MRTFB: variants seen among roughly 807,000 people sequenced by gnomAD.
The protein encoded by MRTFB is myocardin related transcription factor B.
MRTFB carries 29 observed loss-of-function variants against 104.2 expected under a neutral mutation model. The observed-to-expected ratio is 0.28, with a 90% CI of 0.21 to 0.38. The LOEUF (loss-of-function observed/expected upper bound fraction) is 0.38, where lower values mean the gene tolerates loss of function less well. MRTFB is among the 10% of genes least tolerant of loss of function. MRTFB has a pLI of 1.00. For missense variants in MRTFB, 1,270 were observed against 1,341.6 expected (o/e 0.95, Z 0.83); for synonymous variants, 535 against 519.5 (o/e 1.03, Z -0.41).
the MRTFB span, among the ~76,000 whole-genome samples, chr16:14,020,155 C>G: frequency 6.6e-6 from 1 of 152,120 alleles, no homozygotes; most frequent in African/African-American, 2.4e-5. Flanking sequence ...GTCCCATGAC[C>G]TTGCCTTTGC....
intron 3 of MRTFB, among the ~76,000 whole-genome samples, chr16:14,153,943 A>G (rs1410463347): frequency 6.6e-6 from 1 of 152,220 alleles, no homozygotes; most frequent in East Asian, 1.9e-4. Context: ...ACTCTGTTTT[A>G]TATTAATAGC....
At chr16:14,208,912 G>C (rs1597253662) in intron 3 of MRTFB, among the ~76,000 whole-genome samples, 1 of 152,130 alleles carries the variant, frequency 6.6e-6, no homozygotes, top group South Asian at 2.1e-4. Context: ...AATCTTGTCA[G>C]TTGCTTCAGT....
chr16:14,070,713 G>A (rs1469032798), upstream of MRTFB, among the ~76,000 whole-genome samples: 1 of 152,258 alleles, frequency 6.6e-6, no homozygotes, highest in Non-Finnish European at 1.5e-5. Flanking sequence ...CTGCGGCTGA[G>A]AGGCAGCGCC....
intron 2 of MRTFB, among the ~76,000 whole-genome samples, chr16:14,096,913 C>G (rs1381299068): frequency 6.6e-6 from 1 of 152,180 alleles, no homozygotes; most frequent in African/African-American, 2.4e-5. Context: ...AAGTAGTTTT[C>G]TTTATATTTG....
chr16:14,116,669 C>T (rs1017058935), intron 2 of MRTFB, among the ~76,000 whole-genome samples: 5 of 134,016 alleles, frequency 3.7e-5, no homozygotes, highest in Non-Finnish European at 6.4e-5. Context: ...TTGGTGGGGG[C>T]GGTGGGGCGG....
Position 14,204,336 on chromosome 16 carries a change from A to T in MRTFB, c.155-5907A>T, listed in dbSNP as rs530031281. On this transcript the variant is annotated intron_variant, in intron 3 of 16. Coordinates refer to ENST00000571589, the MANE Select transcript of MRTFB (RefSeq NM_001308142.2). ...TTTTGTTCTAAAAGCACTCTAAACC[A>T]TTTAAGAAGCAGGGGAAAGGAACTA... Among the ~76,000 whole-genome samples the T allele has an allele frequency of 3.9e-5, 6 of 152,260 alleles. No homozygotes were observed. In the East Asian group the frequency reaches 1.2e-3, roughly 29 times the overall value.
At chr16:14,016,704 C>T in the MRTFB span, among the ~76,000 whole-genome samples, 9 of 126,872 alleles carry the variant, frequency 7.1e-5, no homozygotes, top group East Asian at 7.8e-4. Flanking sequence ...ACCCAGGAGG[C>T]GGAGGTTGCG....
At chr16:13,997,824 C>A in the MRTFB span, among the ~76,000 whole-genome samples, 14 of 147,640 alleles carry the variant, frequency 9.5e-5, no homozygotes, top group African/African-American at 2.7e-4. Context: ...AATTTTCATT[C>A]ATTTATTCAA....
chr16:14,099,794 G>C (rs936842846), intron 2 of MRTFB, among the ~76,000 whole-genome samples: 1 of 151,540 alleles, frequency 6.6e-6, no homozygotes, highest in Non-Finnish European at 1.5e-5. Context: ...CAGCCTCCCA[G>C]GTAGCTGGGA....
chr16:14,002,061 T>C, the MRTFB span, among the ~76,000 whole-genome samples: 1 of 152,236 alleles, frequency 6.6e-6, no homozygotes, highest in African/African-American at 2.4e-5. Flanking sequence ...GCTGTAAGCC[T>C]GAAGACTGGT....
At chr16:14,200,173 G>C (rs2040619234) in intron 3 of MRTFB, 1 of 839,382 alleles carries the variant, frequency 1.2e-6, no homozygotes. Flanking sequence ...CCCCCAAAAT[G>C]AATGAGGATA....
At chr16:14,232,410 T>G (rs567794547) in intron 8 of MRTFB, among the ~76,000 whole-genome samples, 1 of 152,320 alleles carries the variant, frequency 6.6e-6, no homozygotes, top group East Asian at 1.9e-4. Flanking sequence ...GTATGAGGCT[T>G]GGTTGGTCGG....
chr16:14,258,776 T>G (rs2043627435), intron 16 of MRTFB, among the ~76,000 whole-genome samples: 1 of 152,214 alleles, frequency 6.6e-6, no homozygotes, highest in South Asian at 2.1e-4. Flanking sequence ...AAATTCAAAG[T>G]CAATGCTAAA....
In MRTFB at chr16:14,075,750, A is replaced by T. The variant is rs551876748; in HGVS notation, c.-128-3540A>T. Among the ~76,000 whole-genome samples, 6 of 152,314 alleles carry T rather than the reference A, an allele frequency of 3.9e-5. No homozygotes were observed. In the South Asian group the frequency reaches 8.3e-4, roughly 21 times the overall value. On this transcript the variant is annotated intron_variant, in intron 1 of 16. Transcript: ENST00000571589. ...TATTATAATCATATACTTTGGCTCGATTGGAGGAAACAAAAGCACTTTGTC... is the reference window on the plus strand; with the variant it reads ...TATTATAATCATATACTTTGGCTCGTTTGGAGGAAACAAAAGCACTTTGTC...
intron 7 of MRTFB, 104 bp from the exon 8 acceptor site, chr16:14,218,716 G>A (rs1312057044): frequency 3.4e-6 from 4 of 1,166,786 alleles, no homozygotes; most frequent in Middle Eastern, 3.0e-4. Flanking sequence ...TTTTTTTTAA[G>A]CAGCTTCATA....
chr16:14,191,796 A>C (rs2040196655), intron 3 of MRTFB: 1 of 152,206 alleles, frequency 6.6e-6, no homozygotes, highest in East Asian at 1.9e-4. Context: ...TTGTCCATGC[A>C]CAGAATGATT....
intron 4 of MRTFB, among the ~76,000 whole-genome samples, chr16:14,212,032 C>T (rs1171291105): frequency 2.0e-5 from 3 of 152,188 alleles, no homozygotes; most frequent in Admixed American, 6.5e-5. Flanking sequence ...CCATTAAGAG[C>T]AAAGACTCAT....
chr16:14,262,615 C>G lies in MRTFB; in HGVS notation c.*1171C>G, dbSNP rs1444044308. On this transcript the variant is annotated 3_prime_UTR_variant, in exon 17 of 17. Transcript: ENST00000571589. ...ACAGGCTTGTAACTGGATATTCTAC[C>G]AGAGCTCTCACTATATTGTCAAGCC... 6.6e-6 allele frequency: 1 copy of G among 152,168 alleles called. No individual in the cohort carries two copies. Among genetic ancestry groups the G allele is most frequent in the African/African-American group, 2.4e-5 (1 of 41,424 alleles). The allele number at this position is 152,168 out of a possible 1,614,324, so 9.4% of individuals were successfully genotyped here.
intron 8 of MRTFB, among the ~76,000 whole-genome samples, chr16:14,230,414 A>G (rs1264951261): frequency 1.3e-5 from 2 of 152,352 alleles, no homozygotes; most frequent in African/African-American, 4.8e-5. Flanking sequence ...AGAATCTGCA[A>G]TGAACTCAAA....
Sources: allele counts gnomAD v4.1 joint callset (sites outside exome capture counted in the v4.1 genomes callset), GRCh38; gene constraint gnomAD v4.1.1; transcripts MANE v1.5; gene names NCBI Gene and HGNC (gene_info 2026-07-23, HGNC 2026-07-21).